Variants in SLC12A9 observed in about 807,000 individuals in gnomAD.
SLC12A9 encodes the protein solute carrier family 12 member 9.
Under a neutral mutation model 66.0 loss-of-function variants are expected in SLC12A9, and 55 were observed. That is an observed-to-expected ratio of 0.83 (90% CI 0.67 to 1.04). The LOEUF (loss-of-function observed/expected upper bound fraction) is 1.04, where lower values mean the gene tolerates loss of function less well. Among genes scored for constraint, SLC12A9 ranks in the 50% least tolerant of loss-of-function variants. The pLI is 0.00. For synonymous variants in SLC12A9, 577 were observed against 569.0 expected, an observed-to-expected ratio of 1.01 and a Z score of -0.20; for missense variants, 1,061 against 1,241.9, an observed-to-expected ratio of 0.85 and a Z score of 2.19.
chr7:100,861,312 C>G lies in SLC12A9; in HGVS notation c.1343+50C>G. The G allele has an allele frequency of 6.2e-7, 1 of 1,613,364 alleles. No individual in the cohort carries two copies. Among genetic ancestry groups the G allele is most frequent in the Non-Finnish European group, 8.5e-7 (1 of 1,179,436 alleles). ...CAGAGAGAAGAAGGGAGGACTCGGG[C>G]TCAGGCGTGGGGCTGGGGACTGCAG... On this transcript the variant is annotated intron_variant, in intron 10 of 13. Transcript: ENST00000354161. This position sits in a 1 kb window ranked among gnomAD's most constrained non-coding sequence, Gnocchi z 5.3.
upstream of SLC12A9, among the ~76,000 whole-genome samples, chr7:100,849,426 AG>A (rs1177606560): frequency 6.6e-6 from 1 of 150,868 alleles, no homozygotes; most frequent in East Asian, 2.0e-4. Flanking sequence ...AGTCAAGAAG[AG>A]GACCCAGGGC....
At chr7:100,858,532 G>C (rs908533618) in intron 5 of SLC12A9, 13 of 278,194 alleles carry the variant, frequency 4.7e-5, no homozygotes, top group Non-Finnish European at 9.1e-5. Context: ...AGAGGTTGCA[G>C]TGAGCTACGA....
chr7:100,866,516 T>C lies in SLC12A9; in HGVS notation c.2656T>C (p.Tyr886His), dbSNP rs1212365780. The change falls in exon 14 of 14, where the codon TAC becomes CAC. Residue 886 changes from tyrosine (Y) to histidine (H), a missense_variant. Tyr to His is a moderately conservative substitution (Grantham distance 83). Coordinates refer to ENST00000354161, the MANE Select transcript of SLC12A9 (RefSeq NM_020246.4). The surrounding 1 kb of genome is among the most constrained non-coding windows in gnomAD (Gnocchi z 7.3). ...AGCCGATCCCGCCCGATACCCCCGC[T>C]ACCTGGCGCTACTGGAGACTCTAAC... ...PPADPARYPR[Y>H]LALLETLTRD... The C allele has an allele frequency of 6.4e-7, 1 of 1,571,834 alleles. No homozygotes were observed. The highest frequency in any genetic ancestry group is 8.6e-7 in the Non-Finnish European group (1 of 1,159,454).
At chr7:100,832,876 A>G (rs891126982) in intron 1 of SLC12A9, among the ~76,000 whole-genome samples, 1 of 151,904 alleles carries the variant, frequency 6.6e-6, no homozygotes, top group East Asian at 1.9e-4. Context: ...CCCAGGCTCA[A>G]GCGATCCTCC....
chr7:100,866,067 G>A lies in SLC12A9; in HGVS notation c.2207G>A (p.Gly736Asp). ...VWPLNLLRPRGGPGYVDVCGL... is the reference protein window; with the variant it reads ...VWPLNLLRPRDGPGYVDVCGL... ...CCCCTCAACCTGCTGCGGCCCCGGG[G>A]TGGGCCCGGCTATGTGGATGTCTGC... Residue 736 changes from glycine to aspartate, a missense_variant, in exon 14 of 14, where the codon GGT becomes GAT. Physicochemically the swap from Gly to Asp is moderately conservative, Grantham distance 94 (BLOSUM62 -1). Coordinates refer to ENST00000354161, the MANE Select transcript of SLC12A9 (RefSeq NM_020246.4). The surrounding 1 kb of genome is among the most constrained non-coding windows in gnomAD (Gnocchi z 7.3). The A allele has an allele frequency of 1.2e-6, 2 of 1,612,954 alleles. No homozygotes were observed. Among genetic ancestry groups the A allele is most frequent in the East Asian group, 2.2e-5 (1 of 44,870 alleles).
intron 1 of SLC12A9, among the ~76,000 whole-genome samples, chr7:100,831,504 G>T (rs1435955278): frequency 6.7e-6 from 1 of 148,934 alleles, no homozygotes; most frequent in Non-Finnish European, 1.5e-5. Context: ...TAGAGATAGG[G>T]TCTTACTGTA....
Position 100,865,955 on chromosome 7 carries a change from C to A in SLC12A9, c.2095C>A (p.Leu699Met). 1 of 1,613,202 alleles carries A rather than the reference C, an allele frequency of 6.2e-7. No homozygotes were observed. The highest frequency in any genetic ancestry group is 1.1e-5 in the South Asian group (1 of 91,076). The change falls in exon 14 of 14, where the codon CTG becomes ATG. Residue 699 changes from leucine (L) to methionine (M), a missense_variant. Transcript: ENST00000354161. ...CCTCAAGATGAACAAGAATGTGGTG[C>A]TGGCCCGGGCCAGCGGGGCCTTGCC... ...DALKMNKNVVLARASGALPPE... is the reference protein window; with the variant it reads ...DALKMNKNVVMARASGALPPE...
At position 100,856,980 on chromosome 7, in the gene SLC12A9, C is replaced by G; in HGVS notation, c.561C>G (p.Gly187=). Reference sequence around the variant, plus strand: ...GTGGGGTCTGCACCCTGGGAGCCGGCCTCTATGCCCGGGCCTCATTCCTCA... The same window carrying G: ...GTGGGGTCTGCACCCTGGGAGCCGGGCTCTATGCCCGGGCCTCATTCCTCA... ...LVGGVCTLGA[G]LYARASFLTF... Residue 187 remains glycine, a synonymous_variant, in exon 5 of 14, where the codon GGC becomes GGG. Coordinates refer to ENST00000354161, the MANE Select transcript of SLC12A9 (RefSeq NM_020246.4). The G allele has an allele frequency of 6.2e-7, 1 of 1,614,072 alleles. No homozygotes were observed. Among genetic ancestry groups the G allele is most frequent in the Non-Finnish European group, 8.5e-7 (1 of 1,180,044 alleles).
intron 3 of SLC12A9, among the ~76,000 whole-genome samples, chr7:100,855,236 T>C (rs1481762086): frequency 6.6e-6 from 1 of 152,064 alleles, no homozygotes; most frequent in East Asian, 1.9e-4. Context: ...GATCCTCCTA[T>C]CTCAGCCTCC....
chr7:100,860,324 A>G, intron 9 of SLC12A9, 92 bp downstream of exon 9: 1 of 1,335,912 alleles, frequency 7.5e-7, no homozygotes, highest in Non-Finnish European at 1.0e-6. Flanking sequence ...ACAAATGTAA[A>G]GACAAATGCG....
intron 1 of SLC12A9, among the ~76,000 whole-genome samples, chr7:100,830,403 G>A (rs908572995): frequency 6.6e-6 from 1 of 152,010 alleles, no homozygotes; most frequent in Admixed American, 6.6e-5. Flanking sequence ...GTGGGGCACA[G>A]TGACTCATAC....
chr7:100,862,878 A>G (rs775617516), intron 13 of SLC12A9, 51 bp downstream of exon 13: 24 of 1,606,556 alleles, frequency 1.5e-5, no homozygotes, highest in South Asian at 2.2e-5. Context: ...GGCCACTTCA[A>G]ATCTCCGCTC....
In SLC12A9 at chr7:100,837,851, A is replaced by AT. The variant is rs11285489; in HGVS notation, n.228+10831dup. Reference sequence around the variant, plus strand: ...ATTTATTTTTAAAACATTTATTTCAATTTTTTTTTTTTTTTTTTTTTTTTT... The same window carrying AT: ...ATTTATTTTTAAAACATTTATTTCAATTTTTTTTTTTTTTTTTTTTTTTTTT... On this transcript the variant is annotated intron_variant and non_coding_transcript_variant, in intron 1 of 1. Transcript: ENST00000461016. Among the ~76,000 whole-genome samples the AT allele has an allele frequency of 9.2e-3, 730 of 79,632 alleles. 35 individuals carry two copies. The highest frequency in any genetic ancestry group is 0.018 in the South Asian group (43 of 2,368). 52.2% of individuals were successfully genotyped at this position (79,632 alleles called of 152,430 possible).
chr7:100,866,214 T>C lies in SLC12A9; in HGVS notation c.2354T>C (p.Leu785Pro), dbSNP rs767311480. 6.2e-7 allele frequency: 1 copy of C among 1,605,898 alleles called. No individual in the cohort carries two copies. The highest frequency in any genetic ancestry group is 1.7e-5 in the Admixed American group (1 of 59,594). Residue 785 changes from leucine (L) to proline (P), a missense_variant, in exon 14 of 14, where the codon CTG becomes CCG. Physicochemically the swap from Leu to Pro is moderately conservative, Grantham distance 98. Coordinates refer to ENST00000354161, the MANE Select transcript of SLC12A9 (RefSeq NM_020246.4). The surrounding 1 kb of genome is among the most constrained non-coding windows in gnomAD (Gnocchi z 7.3). Reference sequence around the variant, plus strand: ...GCGCCTGGGGCGGCCGAGGGGCGGCTGCGGGCACTGCTGAGCCAACTGAGG... The same window carrying C: ...GCGCCTGGGGCGGCCGAGGGGCGGCCGCGGGCACTGCTGAGCCAACTGAGG... ...REAPGAAEGR[L>P]RALLSQLRIR...
chr7:100,852,165 T>G (rs562952599), upstream of SLC12A9, among the ~76,000 whole-genome samples: 241 of 152,296 alleles, frequency 1.6e-3, no homozygotes, highest in African/African-American at 5.6e-3. Flanking sequence ...CATCAGACGG[T>G]GCAAAGCGAC....
At chr7:100,829,520 G>T (rs758641817) in intron 1 of SLC12A9, among the ~76,000 whole-genome samples, 1 of 152,042 alleles carries the variant, frequency 6.6e-6, no homozygotes, top group Non-Finnish European at 1.5e-5. Flanking sequence ...GGTTGGGGGG[G>T]GTGGGCCGGT....
intron 1 of SLC12A9, among the ~76,000 whole-genome samples, chr7:100,834,195 T>A (rs1417259728): frequency 6.6e-6 from 1 of 152,068 alleles, no homozygotes; most frequent in Non-Finnish European, 1.5e-5. Context: ...TCCTAGAGAT[T>A]GGCAGGAAAG....
At chr7:100,849,455 C>T (rs1037617145), upstream of SLC12A9, among the ~76,000 whole-genome samples, 1 of 151,670 alleles carries the variant, frequency 6.6e-6, no homozygotes, top group South Asian at 2.1e-4. Context: ...GTGGCTCACA[C>T]CTGTAATCCC....
chr7:100,854,050 G>A (rs1281269776), intron 1 of SLC12A9, 106 bp from the exon 2 acceptor site: 1 of 697,818 alleles, frequency 1.4e-6, no homozygotes, highest in Non-Finnish European at 2.2e-6. Context: ...TTTTAGTAGA[G>A]AGCAGCTCTG....
Sources: allele counts gnomAD v4.1 joint callset (sites outside exome capture counted in the v4.1 genomes callset), GRCh38; gene constraint gnomAD v4.1.1; non-coding constraint Gnocchi (gnomAD v3.1); transcripts MANE v1.5; gene names NCBI Gene and HGNC (gene_info 2026-07-23, HGNC 2026-07-21).